Variants in RBFOX3 observed in about 807,000 individuals in gnomAD.
RBFOX3 encodes the protein RNA binding fox-1 homolog 3.
In RBFOX3, 17 loss-of-function variants were observed where a neutral mutation model predicts 48.7. That is an observed-to-expected ratio of 0.35 (90% confidence interval 0.24 to 0.52). RBFOX3 has a LOEUF of 0.52. Among genes scored for constraint, RBFOX3 ranks in the 20% least tolerant of loss-of-function variants. RBFOX3 has a pLI of 0.94. For synonymous variants in RBFOX3, 212 were observed against 209.5 expected (o/e 1.01, Z -0.10); for missense variants, 382 against 497.5 (o/e 0.77, Z 2.21).
intron 1 of RBFOX3, among the ~76,000 whole-genome samples, chr17:79,523,134 G>C (rs940356761): frequency 3.3e-5 from 5 of 151,778 alleles, no homozygotes; most frequent in Non-Finnish European, 7.4e-5. Flanking sequence ...CTTGTGGTGG[G>C]GGGGCGGGTG....
chr17:79,554,136 C>CATT (rs2091401408), intron 1 of RBFOX3, among the ~76,000 whole-genome samples: 2 of 152,140 alleles, frequency 1.3e-5, no homozygotes, highest in South Asian at 4.2e-4. Context: ...TTTTGTGGCC[C>CATT]ATTATTATTA....
rs1246975910 is a variant in RBFOX3, at chr17:79,151,932, C to A, written c.-33-36184G>T. Among the ~76,000 whole-genome samples the A allele has an allele frequency of 1.9e-4, 4 of 20,544 alleles. 1 individual carries two copies. The highest frequency in any genetic ancestry group is 5.8e-4 in the Non-Finnish European group (4 of 6,920). The allele number at this position is 20,544 out of a possible 152,430, so 13.5% of individuals were successfully genotyped here. On this transcript the variant is annotated intron_variant, in intron 4 of 14. Coordinates refer to ENST00000693108, the MANE Select transcript of RBFOX3 (RefSeq NM_001350451.2). ...AGGGGAGGCGAGGATGGGAGGGGACCTACAGAGGGAGGCGCGGATGGGAGG... is the reference window on the plus strand; with the variant it reads ...AGGGGAGGCGAGGATGGGAGGGGACATACAGAGGGAGGCGCGGATGGGAGG...
Position 79,529,502 on chromosome 17 carries a change from G to T in RBFOX3, c.-319-46904C>A, listed in dbSNP as rs782024323. Among the ~76,000 whole-genome samples, 1,521 of 152,334 alleles carry T rather than the reference G, an allele frequency of 1.0e-2. 21 individuals carry two copies. The highest frequency in any genetic ancestry group is 0.013 in the Non-Finnish European group (916 of 68,034). On this transcript the variant is annotated intron_variant, in intron 1 of 14. Coordinates refer to ENST00000693108, the MANE Select transcript of RBFOX3 (RefSeq NM_001350451.2). ...GCGTGCAAAGAAGCGGCTAGCTAAA[G>T]TGGGGGCGGGGTGGCTGGCCAGCAG...
intron 2 of RBFOX3, among the ~76,000 whole-genome samples, chr17:79,316,598 TC>T (rs1206725076): frequency 6.6e-6 from 1 of 152,100 alleles, no homozygotes; most frequent in Non-Finnish European, 1.5e-5. Context: ...CCTGTGTCCT[TC>T]CTCCCAGAGC....
At position 79,243,815 on chromosome 17, in the gene RBFOX3, G is replaced by C. The variant is rs11656929; in HGVS notation, c.-73-8010C>G. 1.3e-5 allele frequency among the ~76,000 whole-genome samples: 2 copies of C among 152,152 alleles called. No individual in the cohort carries two copies. Among genetic ancestry groups the C allele is most frequent in the Non-Finnish European group, 2.9e-5 (2 of 68,010 alleles). Reference sequence around the variant, plus strand: ...AGGTTGACACAGCTTCCAAAGGGCAGAGCCAAGACAAGAAGGCGCAATGCC... The same window carrying C: ...AGGTTGACACAGCTTCCAAAGGGCACAGCCAAGACAAGAAGGCGCAATGCC... On this transcript the variant is annotated intron_variant, in intron 3 of 14. Coordinates refer to ENST00000693108, the MANE Select transcript of RBFOX3 (RefSeq NM_001350451.2). This position sits in a 1 kb window ranked among gnomAD's most constrained non-coding sequence, Gnocchi z 7.9.
intron 1 of RBFOX3, among the ~76,000 whole-genome samples, chr17:79,561,153 G>A (rs1019853393): frequency 5.9e-5 from 9 of 152,186 alleles, no homozygotes; most frequent in African/African-American, 1.9e-4. Context: ...TGGAACAGAT[G>A]CTTAGAACTT....
chr17:79,616,582 A>ACACACAC, the RBFOX3 span, among the ~76,000 whole-genome samples: 1 of 145,652 alleles, frequency 6.9e-6, no homozygotes, highest in African/African-American at 2.5e-5. Flanking sequence ...TCTCTATACA[A>ACACACAC]ACACACACAC....
At chr17:79,183,106 T>G (rs2052508613) in intron 4 of RBFOX3, among the ~76,000 whole-genome samples, 2 of 146,860 alleles carry the variant, frequency 1.4e-5, no homozygotes, top group Non-Finnish European at 1.5e-5. Flanking sequence ...AGGGGCGCAG[T>G]TCCCCCTACC....
intron 4 of RBFOX3, among the ~76,000 whole-genome samples, chr17:79,190,747 A>C (rs2054357034): frequency 6.6e-6 from 1 of 152,158 alleles, no homozygotes; most frequent in Non-Finnish European, 1.5e-5. Flanking sequence ...GGGAGCTTAG[A>C]CCAGAAGCTG....
chr17:79,314,088 A>AG (rs1435622810), intron 2 of RBFOX3, among the ~76,000 whole-genome samples: 1 of 152,134 alleles, frequency 6.6e-6, no homozygotes, highest in Non-Finnish European at 1.5e-5. Context: ...TCATTCATGG[A>AG]GGGGGCTACA....
chr17:79,615,627 G>A (rs386829742), upstream of RBFOX3, among the ~76,000 whole-genome samples: 109,874 of 152,140 alleles, frequency 0.72, 45,536 homozygotes, highest in Non-Finnish European at 0.92. Context: ...GGCTCGGGCC[G>A]TGTTGCAGTG....
In RBFOX3 at chr17:79,103,323, G is replaced by A. The variant is rs1017468262; in HGVS notation, c.415-69C>T. ...ACAGGGCGAGAAAGAGGAGGAAGAC[G>A]AGGAAGAAGAGGAGTGGGAGGGGGG... On this transcript the variant is annotated intron_variant, in intron 7 of 14. Transcript: ENST00000693108. This position sits in a 1 kb window ranked among gnomAD's most constrained non-coding sequence, Gnocchi z 6.1. The A allele has an allele frequency of 8.7e-5, 90 of 1,036,548 alleles. No individual in the cohort carries two copies. The highest frequency in any genetic ancestry group is 6.8e-4 in the Admixed American group (34 of 49,694). 64.2% of individuals were successfully genotyped at this position (1,036,548 alleles called of 1,614,324 possible).
intron 2 of RBFOX3, among the ~76,000 whole-genome samples, chr17:79,315,555 C>A (rs1425811101): frequency 2.6e-5 from 4 of 152,200 alleles, no homozygotes; most frequent in South Asian, 4.1e-4. Flanking sequence ...CTGGCCACTG[C>A]GGCCAGACAG....
chr17:79,612,691 T>C (rs1179488520), upstream of RBFOX3, among the ~76,000 whole-genome samples: 3 of 152,238 alleles, frequency 2.0e-5, no homozygotes, highest in African/African-American at 7.2e-5. Context: ...GCCGCCTGGT[T>C]GACTGAACTT....
At chr17:79,561,474 C>A (rs2092212188) in intron 1 of RBFOX3, among the ~76,000 whole-genome samples, 1 of 152,140 alleles carries the variant, frequency 6.6e-6, no homozygotes, top group African/African-American at 2.4e-5. Context: ...GCAAGGGTCG[C>A]CAAACTCAGG....
At chr17:79,244,181 G>C (rs1202021511) in intron 3 of RBFOX3, among the ~76,000 whole-genome samples, 1 of 152,158 alleles carries the variant, frequency 6.6e-6, no homozygotes, top group African/African-American at 2.4e-5. Flanking sequence ...TACATCCAAT[G>C]CCCGGGGTCC....
intron 1 of RBFOX3, chr17:79,602,073 A>G (rs2093717165): frequency 6.6e-6 from 1 of 152,212 alleles, no homozygotes; most frequent in Non-Finnish European, 1.5e-5. Context: ...CCTAGATGAG[A>G]TCTGCCGGTG....
intron 10 of RBFOX3, 29 bp downstream of exon 10, chr17:79,097,663 T>TACCAACCCCCCCCCCC: frequency 1.4e-6 from 2 of 1,384,066 alleles, no homozygotes; most frequent in Non-Finnish European, 2.0e-6. Context: ...GCTGGTCTCA[T>TACCAACCCCCCCCCCC]CCCATCCCCG....
rs2147324650 is a variant in RBFOX3, at chr17:79,362,734, A to G, written c.-174-54910T>C. ...GAGCTGCACAGGCTCATTAGAGACC[A>G]TGGGATGGGGCCTCCGAGGAGCTCT... On this transcript the variant is annotated intron_variant, in intron 2 of 14. Transcript: ENST00000693108. This position sits in a 1 kb window ranked among gnomAD's most constrained non-coding sequence, Gnocchi z 4.2. Among the ~76,000 whole-genome samples, 1 of 152,320 alleles carries G rather than the reference A, an allele frequency of 6.6e-6. No homozygotes were observed. Among genetic ancestry groups the G allele is most frequent in the African/African-American group, 2.4e-5 (1 of 41,588 alleles).
Sources: gnomAD v4.1 joint callset for allele counts (sites outside exome capture counted in the v4.1 genomes callset) on GRCh38, gnomAD v4.1.1 for gene constraint, Gnocchi (gnomAD v3.1) non-coding constraint, MANE v1.5 for transcripts, NCBI Gene and HGNC (gene_info 2026-07-23, HGNC 2026-07-21) for gene names.